The following OSBPL5 variants were observed in gnomAD, a reference collection of about 807,000 sequenced individuals.
OSBPL5 encodes oxysterol-binding protein-related protein 5.
A neutral mutation model predicts 111.2 loss-of-function variants in OSBPL5; 71 were observed. The ratio of observed to expected loss-of-function variants is 0.64; its 90% CI spans 0.53 to 0.78. The LOEUF (loss-of-function observed/expected upper bound fraction) is 0.78, where lower values mean the gene tolerates loss of function less well. Among genes scored for constraint, OSBPL5 ranks in the 30% least tolerant of loss-of-function variants. The pLI is 0.00. For synonymous variants in OSBPL5, 549 were observed against 513.9 expected (o/e 1.07, Z -0.93); for missense variants, 1,210 against 1,189.3 (o/e 1.02, Z -0.26).
intron 10 of OSBPL5, among the ~76,000 whole-genome samples, chr11:3,103,888 A>AGCCCCTTTCCAGCCTGTGCCGCCCCC (rs1564830906): frequency 9.7e-6 from 1 of 102,884 alleles, no homozygotes; most frequent in Non-Finnish European, 1.9e-5. Flanking sequence ...CTGTAGCCCC[A>AGCCCCTTTCCAGCCTGTGCCGCCCCC]TTCCTGCCTC....
At chr11:3,108,915 T>C (rs11025414) in intron 7 of OSBPL5, among the ~76,000 whole-genome samples, 55,406 of 151,482 alleles carry the variant, frequency 0.37, 12,731 homozygotes, top group East Asian at 0.79. Context: ...ATTACAGGCA[T>C]GCACCACCAC....
intron 1 of OSBPL5, among the ~76,000 whole-genome samples, chr11:3,132,852 T>C (rs1233892159): frequency 6.6e-6 from 1 of 152,234 alleles, no homozygotes; most frequent in Non-Finnish European, 1.5e-5. Flanking sequence ...GGTCTGATCA[T>C]GGCTCTGTCC....
At chr11:3,155,946 T>A (rs1281429336) in intron 1 of OSBPL5, among the ~76,000 whole-genome samples, 2 of 152,246 alleles carry the variant, frequency 1.3e-5, no homozygotes, top group Non-Finnish European at 2.9e-5. Flanking sequence ...GGCTCAAGCC[T>A]GTGTTTCTGG....
intron 7 of OSBPL5, among the ~76,000 whole-genome samples, chr11:3,119,059 G>T (rs1034468281): frequency 6.6e-6 from 1 of 151,746 alleles, no homozygotes; most frequent in Non-Finnish European, 1.5e-5. Context: ...ACCCAGGCTG[G>T]AGTGCAATGG....
At chr11:3,100,037 A>AT in intron 14 of OSBPL5, 121 bp downstream of exon 14, 13 of 775,922 alleles carry the variant, frequency 1.7e-5, no homozygotes, top group East Asian at 2.8e-5. Context: ...AAAAAAAAAA[A>AT]GTCATGGGCA....
At chr11:3,103,852 C>CTGCCTCTGT (rs1857588421) in intron 10 of OSBPL5, among the ~76,000 whole-genome samples, 2 of 109,146 alleles carry the variant, frequency 1.8e-5, no homozygotes, top group Non-Finnish European at 4.0e-5. Context: ...AGCCCCTTTC[C>CTGCCTCTGT]AGTCTGCGCA....
intron 6 of OSBPL5, 86 bp downstream of exon 6, chr11:3,120,335 G>C: frequency 6.7e-7 from 1 of 1,502,536 alleles, no homozygotes; most frequent in Non-Finnish European, 9.0e-7. Flanking sequence ...CATTCAGCTG[G>C]TTGGCTCCAC....
chr11:3,138,539 G>A (rs1047462230), intron 1 of OSBPL5, among the ~76,000 whole-genome samples: 3 of 152,248 alleles, frequency 2.0e-5, no homozygotes, highest in African/African-American at 7.2e-5. Context: ...CTGAGCCTCA[G>A]CATTCACACT....
chr11:3,090,398 G>C (rs2134378572), intron 20 of OSBPL5, among the ~76,000 whole-genome samples, 160 bp downstream of exon 20: 1 of 152,286 alleles, frequency 6.6e-6, no homozygotes, highest in Middle Eastern at 3.4e-3. Flanking sequence ...CTCTGAGAGG[G>C]CAGAGCCTGC....
At position 3,096,577 on chromosome 11, in the gene OSBPL5, C is replaced by T. The variant is rs180818916; in HGVS notation, c.1622-2243G>A. Among the ~76,000 whole-genome samples the T allele has an allele frequency of 4.0e-3, 591 of 148,606 alleles. 3 individuals are homozygous for T. The highest frequency in any genetic ancestry group is 0.014 in the African/African-American group (562 of 39,966). On this transcript the variant is annotated intron_variant, in intron 14 of 21. Coordinates refer to ENST00000263650, the MANE Select transcript of OSBPL5 (RefSeq NM_020896.4). The stretch of plus-strand genomic sequence containing the variant: ...GAGGTTGCAGTGAGCTGAGATTGCA[C>T]CATTGCACTCTAGCCTGGGCAACAC...
At chr11:3,129,203 A>G in intron 1 of OSBPL5, 34 bp from the exon 2 acceptor site, 1 of 1,357,792 alleles carries the variant, frequency 7.4e-7, no homozygotes, top group East Asian at 3.1e-5. Context: ...GCAGGAGGTC[A>G]CCGCCCCGGA....
In OSBPL5 at chr11:3,107,789, G is replaced by A; in HGVS notation, c.848C>T (p.Pro283Leu). 1 of 1,612,484 alleles carries A rather than the reference G, an allele frequency of 6.2e-7. No homozygotes were observed. The highest frequency in any genetic ancestry group is 8.5e-7 in the Non-Finnish European group (1 of 1,179,962). Residue 283 changes from proline (P) to leucine (L), a missense_variant, in exon 8 of 22, where the codon CCA becomes CTA. Physicochemically the swap from Pro to Leu is moderately conservative, Grantham distance 98. Transcript: ENST00000263650. This position sits in a 1 kb window ranked among gnomAD's most constrained non-coding sequence, Gnocchi z 6.1. ...CGLPASATVHPDQDLFPLNGS... is the reference protein window; with the variant it reads ...CGLPASATVHLDQDLFPLNGS... ...CACTCACGGGAACAGGTCTTGGTCT[G>A]GGTGGACGGTGGCTGAGGCTGGCAG...
At chr11:3,112,084 T>TGC (rs778818483) in intron 7 of OSBPL5, among the ~76,000 whole-genome samples, 3 of 123,450 alleles carry the variant, frequency 2.4e-5, no homozygotes, top group African/African-American at 9.6e-5. Context: ...CATGTGTGTG[T>TGC]GCATGTGTGT....
In OSBPL5 at chr11:3,151,473, C is replaced by T. The variant is rs1846583463; in HGVS notation, c.-22+13743G>A. On this transcript the variant is annotated intron_variant, in intron 1 of 21. Coordinates refer to ENST00000263650, the MANE Select transcript of OSBPL5 (RefSeq NM_020896.4). Reference sequence around the variant, plus strand: ...CACACAGCAGGTGACCAGACAGACCCGGCATCAGCCTGACCTGGCCGCTTC... The same window carrying T: ...CACACAGCAGGTGACCAGACAGACCTGGCATCAGCCTGACCTGGCCGCTTC... Among the ~76,000 whole-genome samples the T allele has an allele frequency of 2.0e-5, 3 of 152,214 alleles. No homozygotes were observed. The South Asian group carries it at 6.2e-4, about 32-fold the overall frequency.
intron 1 of OSBPL5, among the ~76,000 whole-genome samples, chr11:3,136,922 T>A (rs1845964539): frequency 6.6e-6 from 1 of 152,220 alleles, no homozygotes; most frequent in South Asian, 2.1e-4. Context: ...AGATAGATTC[T>A]CGTTCAAGAC....
Position 3,154,455 on chromosome 11 carries a change from C to G in OSBPL5, c.-22+10761G>C, listed in dbSNP as rs10833365. 6.6e-6 allele frequency among the ~76,000 whole-genome samples: 1 copy of G among 152,076 alleles called. No homozygotes were observed. Among genetic ancestry groups the G allele is most frequent in the African/African-American group, 2.4e-5 (1 of 41,412 alleles). On this transcript the variant is annotated intron_variant, in intron 1 of 21. Transcript: ENST00000263650. The surrounding 1 kb of genome is among the most constrained non-coding windows in gnomAD (Gnocchi z 4.9). ...GACGCTTCGTTCACCAAGCGGGGGGCCTCTACAGCTCGCCCAGGTTCCAGC... is the reference window on the plus strand; with the variant it reads ...GACGCTTCGTTCACCAAGCGGGGGGGCTCTACAGCTCGCCCAGGTTCCAGC...
chr11:3,110,885 C>A lies in OSBPL5; in HGVS notation c.692-2940G>T, dbSNP rs1031564921. On this transcript the variant is annotated intron_variant, in intron 7 of 21. Coordinates refer to ENST00000263650, the MANE Select transcript of OSBPL5 (RefSeq NM_020896.4). This position sits in a 1 kb window ranked among gnomAD's most constrained non-coding sequence, Gnocchi z 5.3. The stretch of plus-strand genomic sequence containing the variant: ...TAAAACCAAACTGTGCTCTGACCAC[C>A]CTGGGCACATCGTCAGGACCTCCTG... Among the ~76,000 whole-genome samples the A allele has an allele frequency of 2.0e-5, 3 of 152,124 alleles. No individual in the cohort carries two copies. Among genetic ancestry groups the A allele is most frequent in the African/African-American group, 7.2e-5 (3 of 41,390 alleles).
chr11:3,092,338 G>C lies in OSBPL5; in HGVS notation c.2259+94C>G. The C allele has an allele frequency of 7.0e-7, 1 of 1,424,298 alleles. No homozygotes were observed. 88.2% of individuals were successfully genotyped at this position (1,424,298 alleles called of 1,614,324 possible). On this transcript the variant is annotated intron_variant, in intron 19 of 21. Coordinates refer to ENST00000263650, the MANE Select transcript of OSBPL5 (RefSeq NM_020896.4). This position sits in a 1 kb window ranked among gnomAD's most constrained non-coding sequence, Gnocchi z 5.4. ...GATGAGGGCGTGAGGGAAACGGAGC[G>C]AGGGGAAGGGAGGAGTGAGGTGAGG...
At chr11:3,102,470 A>G (rs1464370272) in intron 11 of OSBPL5, among the ~76,000 whole-genome samples, 189 bp from the exon 12 acceptor site, 4 of 152,142 alleles carry the variant, frequency 2.6e-5, no homozygotes, top group African/African-American at 9.7e-5. Flanking sequence ...CCTGTGGTTT[A>G]CATTCTTGGG....
Sources: allele counts gnomAD v4.1 joint callset (sites outside exome capture counted in the v4.1 genomes callset), GRCh38; gene constraint gnomAD v4.1.1; non-coding constraint Gnocchi (gnomAD v3.1); transcripts MANE v1.5; gene names NCBI Gene and HGNC (gene_info 2026-07-23, HGNC 2026-07-21).